The following SYCP3 variants were observed in gnomAD, a reference collection of about 807,000 sequenced individuals.
SYCP3 encodes the protein synaptonemal complex protein 3.
SYCP3 carries 29 observed loss-of-function variants against 38.5 expected under a neutral mutation model. That is an observed-to-expected ratio of 0.75 (90% confidence interval 0.56 to 1.03). The LOEUF is 1.03. Among genes scored for constraint, SYCP3 ranks in the 50% least tolerant of loss-of-function variants. The pLI, the probability that SYCP3 is intolerant of heterozygous loss-of-function variation, is 0.00. For synonymous variants in SYCP3, 79 were observed against 80.3 expected (o/e 0.98, Z 0.08); for missense variants, 242 against 270.7 (o/e 0.89, Z 0.74).
Position 101,728,771 on chromosome 12 carries a change from A to G in SYCP3, c.*156T>C. 9.8e-7 allele frequency: 1 copy of G among 1,020,762 alleles called. No individual in the cohort carries two copies. The highest frequency in any genetic ancestry group is 1.4e-6 in the Non-Finnish European group (1 of 696,432). 63.2% of individuals were successfully genotyped at this position (1,020,762 alleles called of 1,614,324 possible). ...GTTGCTAACTAACTCATAACTATTT[A>G]GATTTGACTTAACAGAAAGGGAGGT... On this transcript the variant is annotated 3_prime_UTR_variant, in exon 9 of 9. Transcript: ENST00000392924.
At chr12:101,737,329 AGCTTTT>A in intron 2 of SYCP3, 31 bp from the exon 3 acceptor site, 22 of 1,356,670 alleles carry the variant, frequency 1.6e-5, no homozygotes, top group African/African-American at 3.0e-5. Flanking sequence ...AAAAAAAAAA[AGCTTTT>A]GAAACTGAAT....
chr12:101,736,997 A>G (rs976071040), intron 4 of SYCP3, 40 bp downstream of exon 4: 3 of 1,603,084 alleles, frequency 1.9e-6, no homozygotes, highest in Non-Finnish European at 2.6e-6. Context: ...ATATGGCTTA[A>G]AACAATTTTC....
rs200174486 is a variant in SYCP3, at chr12:101,730,477, CAT to C, written c.552+1089_552+1090del. 3.9e-3 allele frequency: 1,603 copies of C among 413,216 alleles called. 5 individuals carry two copies. The highest frequency in any genetic ancestry group is 5.8e-3 in the Middle Eastern group (7 of 1,210). The allele number at this position is 413,216 out of a possible 1,614,324, so 25.6% of individuals were successfully genotyped here. A position where few individuals can be genotyped will look rare whatever the true frequency, so the allele number is the denominator to read the frequency against. ...CACTTGGAAATACTTTTTAAAATAA[CAT>C]GTGTGTGTATAATTTTTTTTTTTTT... On this transcript the variant is annotated intron_variant, in intron 7 of 8. Coordinates refer to ENST00000392924, the MANE Select transcript of SYCP3 (RefSeq NM_001177949.2).
chr12:101,733,380 C>A, intron 6 of SYCP3, 195 bp downstream of exon 6: 1 of 533,308 alleles, frequency 1.9e-6, no homozygotes, highest in Non-Finnish European at 3.3e-6. Context: ...AATGCAGGAA[C>A]CCCAAACAAT....
chr12:101,734,637 C>G (rs1952326453), intron 5 of SYCP3, among the ~76,000 whole-genome samples: 1 of 151,836 alleles, frequency 6.6e-6, no homozygotes, highest in Admixed American at 6.6e-5. Context: ...ACTCTGTTGC[C>G]CAGGCTAGAG....
intron 5 of SYCP3, among the ~76,000 whole-genome samples, chr12:101,733,920 T>C (rs1244356432): frequency 1.3e-5 from 2 of 152,228 alleles, no homozygotes; most frequent in Admixed American, 6.5e-5. Flanking sequence ...GGAAGTTTTA[T>C]TGTATATATA....
At chr12:101,729,238 G>A in intron 7 of SYCP3, 25 bp from the exon 8 acceptor site, 1 of 1,608,334 alleles carries the variant, frequency 6.2e-7, no homozygotes, top group Non-Finnish European at 8.5e-7. Context: ...GACAAGTTAA[G>A]TTACAAAGGA....
chr12:101,731,502 T>C, intron 7 of SYCP3, 66 bp downstream of exon 7: 1 of 1,119,544 alleles, frequency 8.9e-7, no homozygotes, highest in Non-Finnish European at 1.2e-6. Context: ...TAGAAAGAAT[T>C]ATCTTCTACT....
In SYCP3 at chr12:101,739,424, G is replaced by A. The variant is rs1952622419; in HGVS notation, c.-91C>T. Reference sequence around the variant, plus strand: ...CGTCCTCCACAACTCCTCCACAAGCGCGCTTCACCTGAGGTGGCCCCTTCT... The same window carrying A: ...CGTCCTCCACAACTCCTCCACAAGCACGCTTCACCTGAGGTGGCCCCTTCT... On this transcript the variant is annotated 5_prime_UTR_variant, in exon 1 of 9. Transcript: ENST00000392924. 2 of 1,002,694 alleles carry A rather than the reference G, an allele frequency of 2.0e-6. No individual in the cohort carries two copies. Among genetic ancestry groups the A allele is most frequent in the Non-Finnish European group, 2.4e-6 (2 of 830,320 alleles). 62.1% of individuals were successfully genotyped at this position (1,002,694 alleles called of 1,614,324 possible). A position where few individuals can be genotyped will look rare whatever the true frequency, so the allele number is the denominator to read the frequency against.
intron 5 of SYCP3, among the ~76,000 whole-genome samples, 187 bp from the exon 6 acceptor site, chr12:101,733,861 A>AGT (rs1952285460): frequency 1.3e-5 from 2 of 152,122 alleles, no homozygotes; most frequent in Non-Finnish European, 2.9e-5. Flanking sequence ...TTTTCTAACA[A>AGT]ACTAATAGAA....
rs1257003499 is a variant in SYCP3, at chr12:101,735,345, C to T, written c.236-301G>A. Among the ~76,000 whole-genome samples, 4 of 151,962 alleles carry T rather than the reference C, an allele frequency of 2.6e-5. No individual in the cohort carries two copies. In the South Asian group the frequency reaches 8.3e-4, roughly 32 times the overall value. Reference sequence around the variant, plus strand: ...GTGTCAAGGACAGACTTTAAATTTCCCCATGAGAAAACACTGTTAATAAAG... The same window carrying T: ...GTGTCAAGGACAGACTTTAAATTTCTCCATGAGAAAACACTGTTAATAAAG... On this transcript the variant is annotated intron_variant, in intron 4 of 8. Transcript: ENST00000392924.
Position 101,728,795 on chromosome 12 carries a change from GTC to G in SYCP3, c.*130_*131del. The G allele has an allele frequency of 7.7e-7, 1 of 1,293,300 alleles. No homozygotes were observed. Among genetic ancestry groups the G allele is most frequent in the East Asian group, 2.4e-5 (1 of 41,574 alleles). 80.1% of individuals were successfully genotyped at this position (1,293,300 alleles called of 1,614,324 possible). A position where few individuals can be genotyped will look rare whatever the true frequency, so the allele number is the denominator to read the frequency against. ...TAGATTTGACTTAACAGAAAGGGAG[GTC>G]TTACAATGAAACAGGTTTATGATTA... On this transcript the variant is annotated 3_prime_UTR_variant, in exon 9 of 9. Coordinates refer to ENST00000392924, the MANE Select transcript of SYCP3 (RefSeq NM_001177949.2).
intron 7 of SYCP3, among the ~76,000 whole-genome samples, chr12:101,730,151 C>G (rs1459670432): frequency 6.6e-6 from 1 of 152,030 alleles, no homozygotes; most frequent in African/African-American, 2.4e-5. Context: ...GATTGGAGAA[C>G]AGAGACATCA....
At chr12:101,732,004 G>T in intron 6 of SYCP3, 1 of 227,364 alleles carries the variant, frequency 4.4e-6, no homozygotes, top group Non-Finnish European at 8.7e-6. Flanking sequence ...CCCTACTTTA[G>T]CCATTGACTT....
chr12:101,739,449 T>C lies in SYCP3; in HGVS notation c.-116A>G. 1.0e-6 allele frequency: 1 copy of C among 1,002,618 alleles called. No individual in the cohort carries two copies. The highest frequency in any genetic ancestry group is 1.2e-6 in the Non-Finnish European group (1 of 830,300). 62.1% of individuals were successfully genotyped at this position (1,002,618 alleles called of 1,614,324 possible). The stretch of plus-strand genomic sequence containing the variant: ...GCGCTTCACCTGAGGTGGCCCCTTC[T>C]CCGCGACGCTTCTGAGGCAAGCTGG... On this transcript the variant is annotated 5_prime_UTR_variant, in exon 1 of 9. Coordinates refer to ENST00000392924, the MANE Select transcript of SYCP3 (RefSeq NM_001177949.2).
chr12:101,738,022 A>T, intron 1 of SYCP3, 70 bp from the exon 2 acceptor site: 1 of 1,545,800 alleles, frequency 6.5e-7, no homozygotes, highest in Non-Finnish European at 8.9e-7. Context: ...TAAAAGTTTA[A>T]ATATCAAAGG....
rs904812595 is a variant in SYCP3, at chr12:101,739,369, G to C, written c.-36C>G. 30 of 1,002,732 alleles carry C rather than the reference G, an allele frequency of 3.0e-5. No individual in the cohort carries two copies. Among genetic ancestry groups the C allele is most frequent in the African/African-American group, 3.5e-5 (2 of 57,344 alleles). The allele number at this position is 1,002,732 out of a possible 1,614,324, so 62.1% of individuals were successfully genotyped here. A position where few individuals can be genotyped will look rare whatever the true frequency, so the allele number is the denominator to read the frequency against. ...CTCACACCTGAAACACACCGCAATG[G>C]CCGAGGACCAGTTACTGGTCGTCGA... On this transcript the variant is annotated 5_prime_UTR_variant, in exon 1 of 9. Coordinates refer to ENST00000392924, the MANE Select transcript of SYCP3 (RefSeq NM_001177949.2).
chr12:101,737,743 C>G lies in SYCP3; in HGVS notation c.133+60G>C, dbSNP rs921374808. 4.3e-6 allele frequency: 7 copies of G among 1,610,966 alleles called. No individual in the cohort carries two copies. In the African/African-American group the frequency reaches 5.3e-5, roughly 12 times the overall value. On this transcript the variant is annotated intron_variant, in intron 2 of 8. Coordinates refer to ENST00000392924, the MANE Select transcript of SYCP3 (RefSeq NM_001177949.2). The stretch of plus-strand genomic sequence containing the variant: ...TACAAACTAAGTTGTACGATAGTCT[C>G]AATGGGTTCAAAACAAATGAACTGA...
intron 4 of SYCP3, among the ~76,000 whole-genome samples, chr12:101,735,631 A>G (rs1952377286): frequency 6.6e-6 from 1 of 151,998 alleles, no homozygotes; most frequent in African/African-American, 2.4e-5. Flanking sequence ...ACTGCACTCC[A>G]GCCTGGGGAC....
Sources: allele counts gnomAD v4.1 joint callset (sites outside exome capture counted in the v4.1 genomes callset), GRCh38; gene constraint gnomAD v4.1.1; transcripts MANE v1.5; gene names NCBI Gene and HGNC (gene_info 2026-07-23, HGNC 2026-07-21).